Variants in MGAT5 observed in about 807,000 individuals in gnomAD.
The protein encoded by MGAT5 is alpha-1,6-mannosylglycoprotein 6-beta-N-acetylglucosaminyltransferase, also known as alpha-1,6-mannosylglycoprotein 6-beta-N-acetylglucosaminyltransferase A.
Under a neutral mutation model 94.3 loss-of-function variants are expected in MGAT5, and 30 were observed. The observed-to-expected ratio is 0.32, with a 90% CI of 0.24 to 0.43. The LOEUF (loss-of-function observed/expected upper bound fraction) is 0.43, where lower values mean the gene tolerates loss of function less well. MGAT5 is among the 20% of genes least tolerant of loss of function. The pLI is 1.00. For synonymous variants in MGAT5, 310 were observed against 322.9 expected (o/e 0.96, Z 0.43); for missense variants, 691 against 905.5 (o/e 0.76, Z 3.04).
intron 10 of MGAT5, among the ~76,000 whole-genome samples, chr2:134,378,437 C>T (rs530308875): frequency 1.3e-5 from 2 of 152,170 alleles, no homozygotes; most frequent in African/African-American, 2.4e-5. Flanking sequence ...CTATCAAACC[C>T]GAGAGGCAGA....
At chr2:134,354,940 C>T (rs549919534) in intron 9 of MGAT5, among the ~76,000 whole-genome samples, 51 of 152,276 alleles carry the variant, frequency 3.3e-4, no homozygotes, top group African/African-American at 1.2e-3. Context: ...CAGCTTGGAT[C>T]AGGCTGTTTC....
intron 7 of MGAT5, 43 bp from the exon 8 acceptor site, chr2:134,344,887 G>T (rs1199054457): frequency 4.4e-6 from 7 of 1,601,248 alleles, no homozygotes; most frequent in Middle Eastern, 1.7e-4. Flanking sequence ...TTAAGTAAAT[G>T]ATTTTTCTCT....
intron 15 of MGAT5, among the ~76,000 whole-genome samples, chr2:134,445,934 A>AGGATAAT (rs1270389112): frequency 8.5e-5 from 13 of 152,244 alleles, no homozygotes; most frequent in Admixed American, 2.6e-4. Flanking sequence ...TTTGCTCCCA[A>AGGATAAT]GGATAATGGA....
chr2:134,335,199 G>A (rs1688260546), intron 4 of MGAT5, among the ~76,000 whole-genome samples: 1 of 28,408 alleles, frequency 3.5e-5, no homozygotes, highest in African/African-American at 9.8e-5. Context: ...GACCCATGAG[G>A]CTATAGCTCC....
intron 1 of MGAT5, among the ~76,000 whole-genome samples, chr2:134,238,937 ACT>A (rs1408769419): frequency 1.3e-5 from 2 of 152,060 alleles, no homozygotes; most frequent in African/African-American, 4.8e-5. Context: ...CAAGAGTGAA[ACT>A]CTGTCTCAAA....
chr2:134,304,478 C>A (rs2105839170), intron 2 of MGAT5, among the ~76,000 whole-genome samples: 1 of 152,260 alleles, frequency 6.6e-6, no homozygotes, highest in African/African-American at 2.4e-5. Flanking sequence ...AACAAATTCC[C>A]AGGCAGTTGA....
chr2:134,220,489 TCTG>T (rs1430185156), intron 1 of MGAT5, among the ~76,000 whole-genome samples: 1 of 152,136 alleles, frequency 6.6e-6, no homozygotes, highest in East Asian at 1.9e-4. Flanking sequence ...TGCCAGGAAA[TCTG>T]CTCCACACAC....
At chr2:134,271,545 T>C (rs887844151) in intron 2 of MGAT5, among the ~76,000 whole-genome samples, 18 of 152,224 alleles carry the variant, frequency 1.2e-4, no homozygotes, top group African/African-American at 4.3e-4. Flanking sequence ...TTGTAAAAAT[T>C]CACACACTTA....
At chr2:134,378,220 C>A (rs1464873920) in intron 10 of MGAT5, among the ~76,000 whole-genome samples, 4 of 152,122 alleles carry the variant, frequency 2.6e-5, no homozygotes, top group African/African-American at 7.2e-5. Flanking sequence ...CGGGAAACTT[C>A]TTCTACAGCA....
chr2:134,353,586 G>A (rs1286569067), intron 9 of MGAT5, among the ~76,000 whole-genome samples: 2 of 152,110 alleles, frequency 1.3e-5, no homozygotes, highest in East Asian at 1.9e-4. Context: ...TGCCTTTCTA[G>A]CACAAATTGT....
chr2:134,235,158 G>T (rs1681570124), intron 1 of MGAT5, among the ~76,000 whole-genome samples: 1 of 152,056 alleles, frequency 6.6e-6, no homozygotes, highest in Non-Finnish European at 1.5e-5. Context: ...TCAGAGGGGT[G>T]CCTGGTCTTT....
intron 2 of MGAT5, among the ~76,000 whole-genome samples, chr2:134,280,954 A>G (rs574163506): frequency 6.8e-4 from 103 of 152,320 alleles, no homozygotes; most frequent in African/African-American, 1.9e-3. Context: ...CCAATGTTGC[A>G]TTTTATACAG....
Position 134,173,122 on chromosome 2 carries a change from A to G in MGAT5, c.-143+52831A>G, listed in dbSNP as rs74770791. Among the ~76,000 whole-genome samples the G allele has an allele frequency of 0.019, 2,873 of 152,286 alleles. 236 individuals carry two copies. The East Asian group carries it at 0.26, about 14-fold the overall frequency. On this transcript the variant is annotated intron_variant, in intron 1 of 16. Coordinates refer to the MGAT5 transcript ENST00000409645. The stretch of plus-strand genomic sequence containing the variant: ...CAGAAAATATGTCCTTTGGAAACTC[A>G]AAGGGATTTTTAATCTCTAAAAACA...
chr2:134,288,390 G>A (rs1192078935), intron 2 of MGAT5, among the ~76,000 whole-genome samples: 2 of 152,154 alleles, frequency 1.3e-5, no homozygotes, highest in East Asian at 1.9e-4. Context: ...GAACACAGCT[G>A]TGCTCCTTTG....
intron 1 of MGAT5, among the ~76,000 whole-genome samples, chr2:134,187,673 G>A (rs550877727): frequency 6.6e-6 from 1 of 152,202 alleles, no homozygotes; most frequent in Non-Finnish European, 1.5e-5. Context: ...CAACTTTGTT[G>A]CTATGTCCCG....
chr2:134,202,811 A>G (rs1055104234), intron 1 of MGAT5, among the ~76,000 whole-genome samples: 1 of 152,224 alleles, frequency 6.6e-6, no homozygotes, highest in African/African-American at 2.4e-5. Context: ...AGTCACAGAT[A>G]ATGTAACCCA....
At chr2:134,287,567 G>T (rs1685090734) in intron 2 of MGAT5, among the ~76,000 whole-genome samples, 1 of 152,162 alleles carries the variant, frequency 6.6e-6, no homozygotes. Flanking sequence ...AGATGACGTT[G>T]GACCCTAAAT....
chr2:134,396,745 C>T (rs1682734946), intron 10 of MGAT5, among the ~76,000 whole-genome samples: 1 of 152,194 alleles, frequency 6.6e-6, no homozygotes, highest in African/African-American at 2.4e-5. Context: ...ACTGAGCGCT[C>T]GCTCGCCCTG....
intron 4 of MGAT5, among the ~76,000 whole-genome samples, chr2:134,329,120 G>A (rs1320366038): frequency 6.6e-6 from 1 of 152,082 alleles, no homozygotes; most frequent in East Asian, 1.9e-4. Flanking sequence ...GTAATTGAGT[G>A]CCCTGTTTCT....
Sources: gnomAD v4.1 joint callset for allele counts (sites outside exome capture counted in the v4.1 genomes callset) on GRCh38, gnomAD v4.1.1 for gene constraint, MANE v1.5 for transcripts, NCBI Gene and HGNC (gene_info 2026-07-23, HGNC 2026-07-21) for gene names.